The following KCNIP4 variants were observed in gnomAD, a reference collection of about 807,000 sequenced individuals.
KCNIP4 encodes the protein potassium voltage-gated channel interacting protein 4.
In KCNIP4, 12 loss-of-function variants were observed where a neutral mutation model predicts 34.0. That is an observed-to-expected ratio of 0.35 (90% CI 0.23 to 0.57). KCNIP4 has a LOEUF of 0.57. KCNIP4 is among the 20% of genes least tolerant of loss of function. The pLI, the probability that KCNIP4 is intolerant of heterozygous loss-of-function variation, is 0.83. For missense variants in KCNIP4, 238 were observed against 311.7 expected (o/e 0.76, Z 1.78); for synonymous variants, 124 against 102.2 (o/e 1.21, Z -1.29).
intron 1 of KCNIP4, among the ~76,000 whole-genome samples, chr4:21,557,365 C>T (rs1304945554): frequency 6.6e-6 from 1 of 151,994 alleles, no homozygotes; most frequent in African/African-American, 2.4e-5. Flanking sequence ...AAGTAAAATA[C>T]AATATTGGAA....
intron 1 of KCNIP4, among the ~76,000 whole-genome samples, chr4:21,478,484 A>C (rs746731207): frequency 2.6e-5 from 4 of 152,170 alleles, no homozygotes; most frequent in Non-Finnish European, 5.9e-5. Context: ...TGCAGCAATC[A>C]AATGTTTAGC....
At chr4:21,724,957 T>G (rs1435444080) in intron 1 of KCNIP4, among the ~76,000 whole-genome samples, 3 of 152,134 alleles carry the variant, frequency 2.0e-5, no homozygotes, top group Non-Finnish European at 4.4e-5. Context: ...CTCTACTCAG[T>G]CCTTACTCTT....
intron 1 of KCNIP4, among the ~76,000 whole-genome samples, chr4:20,932,595 T>C (rs1730592836): frequency 6.6e-6 from 1 of 152,124 alleles, no homozygotes. Context: ...CTATGCGAGA[T>C]GATAGATACG....
At chr4:20,807,784 A>G (rs1377933707) in intron 3 of KCNIP4, among the ~76,000 whole-genome samples, 9 of 152,186 alleles carry the variant, frequency 5.9e-5, no homozygotes, top group Admixed American at 5.9e-4. Flanking sequence ...AAGCACAAAC[A>G]GACCATTACG....
chr4:21,779,855 C>T (rs906539974), intron 1 of KCNIP4, among the ~76,000 whole-genome samples: 10 of 150,834 alleles, frequency 6.6e-5, no homozygotes, highest in African/African-American at 2.2e-4. Context: ...CACTTGAGCC[C>T]AAGAGTTCAA....
chr4:21,519,489 T>C (rs1366349682), intron 1 of KCNIP4, among the ~76,000 whole-genome samples: 8 of 86,452 alleles, frequency 9.3e-5, no homozygotes, highest in East Asian at 3.7e-4. Context: ...TATATACACA[T>C]ATGTGTGTAT....
chr4:20,926,453 CAGAGAT>C (rs1253051537), intron 1 of KCNIP4, among the ~76,000 whole-genome samples: 2 of 152,194 alleles, frequency 1.3e-5, no homozygotes, highest in African/African-American at 2.4e-5. Flanking sequence ...CAGTATTCAT[CAGAGAT>C]AGAACAGAGG....
intron 1 of KCNIP4, among the ~76,000 whole-genome samples, chr4:21,895,028 C>T (rs1213395243): frequency 6.6e-6 from 1 of 152,124 alleles, no homozygotes; most frequent in Admixed American, 6.6e-5. Context: ...CCCTCATTTT[C>T]CAGGTGAGTT....
chr4:20,811,017 C>G (rs1341320134), intron 3 of KCNIP4, among the ~76,000 whole-genome samples: 3 of 152,154 alleles, frequency 2.0e-5, no homozygotes, highest in Admixed American at 1.3e-4. Flanking sequence ...CAAGTGTTCA[C>G]TTGTGGCCAG....
chr4:21,445,708 G>T (rs1727919901), intron 1 of KCNIP4, among the ~76,000 whole-genome samples: 1 of 152,132 alleles, frequency 6.6e-6, no homozygotes, highest in South Asian at 2.1e-4. Context: ...CAGGACATAG[G>T]CGTGGGCAAA....
chr4:21,156,496 T>TA (rs1384799531), intron 1 of KCNIP4, among the ~76,000 whole-genome samples: 1 of 152,178 alleles, frequency 6.6e-6, no homozygotes, highest in African/African-American at 2.4e-5. Context: ...GAGAGCCACC[T>TA]AACACATGTA....
intron 1 of KCNIP4, among the ~76,000 whole-genome samples, chr4:20,999,431 GTTTTTTGTTT>G: frequency 3.1e-5 from 1 of 31,776 alleles, no homozygotes; most frequent in South Asian, 7.1e-4. Context: ...TTTTTTGTTT[GTTTTTTGTTT>G]TTTTTTTTTT....
At position 21,893,165 on chromosome 4, in the gene KCNIP4, T is replaced by C. The variant is rs1422522301; in HGVS notation, c.61+55406A>G. Among the ~76,000 whole-genome samples the C allele has an allele frequency of 2.0e-5, 3 of 151,888 alleles. No homozygotes were observed. In the South Asian group the frequency reaches 6.3e-4, roughly 32 times the overall value. ...TAAACCAGGCACCCAGAAGCAAAAA[T>C]TGTGTGTGTGTGTCTGTGTGTGTAT... On this transcript the variant is annotated intron_variant, in intron 1 of 8. Coordinates refer to ENST00000382152, the MANE Select transcript of KCNIP4 (RefSeq NM_025221.6).
chr4:21,092,207 A>G (rs1276019125), intron 1 of KCNIP4, among the ~76,000 whole-genome samples: 1 of 152,164 alleles, frequency 6.6e-6, no homozygotes, highest in Non-Finnish European at 1.5e-5. Context: ...TCCAAGAATC[A>G]AGTTATTTAA....
At chr4:21,102,791 G>T (rs575387468) in intron 1 of KCNIP4, among the ~76,000 whole-genome samples, 22 of 152,086 alleles carry the variant, frequency 1.4e-4, no homozygotes, top group African/African-American at 5.3e-4. Flanking sequence ...AAGAACATTT[G>T]CTGTTCCCAC....
At chr4:21,334,613 A>G (rs1010558875) in intron 1 of KCNIP4, among the ~76,000 whole-genome samples, 4 of 152,092 alleles carry the variant, frequency 2.6e-5, no homozygotes, top group African/African-American at 9.7e-5. Flanking sequence ...ACCAAAATCT[A>G]ACATCAGAAT....
At position 21,223,240 on chromosome 4, in the gene KCNIP4, C is replaced by A. The variant is rs542568620; in HGVS notation, c.62-340531G>T. Among the ~76,000 whole-genome samples the A allele has an allele frequency of 4.6e-5, 7 of 152,228 alleles. No individual in the cohort carries two copies. In the East Asian group the frequency reaches 1.4e-3, roughly 29 times the overall value. ...GAGAGAGCAAGATACTGGAAGGGGCCATGCTGCTGACTTTGAAGATAGAGG... is the reference window on the plus strand; with the variant it reads ...GAGAGAGCAAGATACTGGAAGGGGCAATGCTGCTGACTTTGAAGATAGAGG... On this transcript the variant is annotated intron_variant, in intron 1 of 8. Transcript: ENST00000382152.
At chr4:21,410,905 C>G (rs534858667) in intron 1 of KCNIP4, among the ~76,000 whole-genome samples, 3 of 152,222 alleles carry the variant, frequency 2.0e-5, no homozygotes, top group African/African-American at 7.2e-5. Context: ...AATGGTCTGG[C>G]AACATTGACA....
rs112681174 is a variant in KCNIP4, at chr4:21,679,401, G to C, written c.61+269170C>G. Among the ~76,000 whole-genome samples, 310 of 152,258 alleles carry C rather than the reference G, an allele frequency of 2.0e-3. 1 individual carries two copies. Among genetic ancestry groups the C allele is most frequent in the African/African-American group, 6.9e-3 (286 of 41,534 alleles). Reference sequence around the variant, plus strand: ...CAGAAGAGGACCTAGCAAAGGATAGGTACTTAATGAATACCTGTTGGATAA... The same window carrying C: ...CAGAAGAGGACCTAGCAAAGGATAGCTACTTAATGAATACCTGTTGGATAA... On this transcript the variant is annotated intron_variant, in intron 1 of 8. Coordinates refer to ENST00000382152, the MANE Select transcript of KCNIP4 (RefSeq NM_025221.6).
Sources: gnomAD v4.1 joint callset for allele counts (sites outside exome capture counted in the v4.1 genomes callset) on GRCh38, gnomAD v4.1.1 for gene constraint, MANE v1.5 for transcripts, NCBI Gene and HGNC (gene_info 2026-07-23, HGNC 2026-07-21) for gene names.